SETBP1: variants seen among roughly 807,000 people sequenced by gnomAD.
The protein encoded by SETBP1 is SET-binding protein.
SETBP1 carries 9 observed loss-of-function variants against 101.0 expected under a neutral mutation model. The ratio of observed to expected loss-of-function variants is 0.09; its 90% CI spans 0.05 to 0.16. The LOEUF (loss-of-function observed/expected upper bound fraction) is 0.16, where lower values mean the gene tolerates loss of function less well. SETBP1 is among the 10% of genes least tolerant of loss of function. SETBP1 has a pLI of 1.00. For synonymous variants in SETBP1, 818 were observed against 788.5 expected, an observed-to-expected ratio of 1.04 and a Z score of -0.63; for missense variants, 1,858 against 2,033.8, an observed-to-expected ratio of 0.91 and a Z score of 1.66.
chr18:44,683,688 T>C (rs1345536254), intron 1 of SETBP1, among the ~76,000 whole-genome samples: 5 of 152,210 alleles, frequency 3.3e-5, no homozygotes, highest in African/African-American at 4.8e-5. Context: ...TGGGTTCCTG[T>C]GGAGACACTG....
At chr18:44,807,993 A>C (rs2071783795) in intron 2 of SETBP1, among the ~76,000 whole-genome samples, 1 of 152,188 alleles carries the variant, frequency 6.6e-6, no homozygotes, top group African/African-American at 2.4e-5. Context: ...TAGGCAGTGG[A>C]ATCTTCATAT....
At chr18:45,042,329 T>C (rs1034168514) in intron 5 of SETBP1, among the ~76,000 whole-genome samples, 55 of 152,110 alleles carry the variant, frequency 3.6e-4, no homozygotes, top group African/African-American at 1.1e-3. Flanking sequence ...TTTGTATTTT[T>C]AGTAGAGGCG....
chr18:45,060,322 C>A (rs1177666964), intron 5 of SETBP1, among the ~76,000 whole-genome samples: 1 of 152,142 alleles, frequency 6.6e-6, no homozygotes, highest in African/African-American at 2.4e-5. Flanking sequence ...CCCAATCACT[C>A]TCCAAAATGA....
intron 4 of SETBP1, among the ~76,000 whole-genome samples, chr18:44,972,722 A>C (rs1334058779): frequency 6.6e-6 from 1 of 152,132 alleles, no homozygotes; most frequent in Non-Finnish European, 1.5e-5. Flanking sequence ...TTTCACATCG[A>C]TTTTGTATCC....
chr18:44,786,056 A>G (rs1278743316), intron 2 of SETBP1, among the ~76,000 whole-genome samples: 1 of 152,012 alleles, frequency 6.6e-6, no homozygotes, highest in Non-Finnish European at 1.5e-5. Context: ...CATTTCTATC[A>G]ATCTCAGTAT....
intron 5 of SETBP1, among the ~76,000 whole-genome samples, chr18:45,047,608 G>A (rs2073638449): frequency 6.6e-6 from 1 of 152,162 alleles, no homozygotes; most frequent in Non-Finnish European, 1.5e-5. Flanking sequence ...CAATAAAGTT[G>A]GCATAGTGAG....
intron 3 of SETBP1, among the ~76,000 whole-genome samples, chr18:44,890,643 T>C (rs568281752): frequency 6.6e-6 from 1 of 152,170 alleles, no homozygotes; most frequent in South Asian, 2.1e-4. Flanking sequence ...AGAAGGAAAA[T>C]AAGAAGGTGA....
intron 3 of SETBP1, among the ~76,000 whole-genome samples, chr18:44,921,622 A>C (rs1394653065): frequency 6.6e-6 from 1 of 152,222 alleles, no homozygotes; most frequent in African/African-American, 2.4e-5. Flanking sequence ...CATCATAGTC[A>C]GTGCAGATGT....
intron 2 of SETBP1, among the ~76,000 whole-genome samples, chr18:44,757,700 G>A (rs2070531731): frequency 1.3e-5 from 2 of 151,946 alleles, no homozygotes; most frequent in Admixed American, 1.3e-4. Flanking sequence ...TAATGAAATT[G>A]GAGATTTAGA....
chr18:44,959,490 T>C (rs902456807), intron 4 of SETBP1, among the ~76,000 whole-genome samples: 11 of 152,230 alleles, frequency 7.2e-5, no homozygotes, highest in African/African-American at 2.7e-4. Context: ...TGTATAAGGC[T>C]TGTTGCAATC....
chr18:44,754,982 A>G (rs966124506), intron 2 of SETBP1, among the ~76,000 whole-genome samples: 2 of 152,202 alleles, frequency 1.3e-5, no homozygotes, highest in Non-Finnish European at 2.9e-5. Flanking sequence ...CTGTCCTGGC[A>G]TTTTGACCAA....
At position 44,950,695 on chromosome 18, in the gene SETBP1, T is replaced by A. The variant is rs766842400; in HGVS notation, c.1355T>A (p.Leu452His). 3 of 1,614,142 alleles carry A rather than the reference T, an allele frequency of 1.9e-6. No individual in the cohort carries two copies. The South Asian group carries it at 3.3e-5, about 18-fold the overall frequency. ...AGCAGTGAAGTAGTTAACAGGATAC[T>A]TTCCAACTCTGAGGGGAATAAGAAG... ...TMSSEVVNRI[L>H]SNSEGNKKDP... The change falls in exon 4 of 6, where the codon CTT becomes CAT. Residue 452 changes from leucine to histidine, a missense_variant. Around this residue, in one of 12 missense-constraint regions of SETBP1, gnomAD observed 581 missense variants for 535.1 expected, o/e 1.09. Coordinates refer to ENST00000649279, the MANE Select transcript of SETBP1 (RefSeq NM_015559.3).
At chr18:44,925,338 G>C (rs894645073) in intron 3 of SETBP1, among the ~76,000 whole-genome samples, 2 of 152,124 alleles carry the variant, frequency 1.3e-5, no homozygotes, top group Non-Finnish European at 2.9e-5. Context: ...ACAGGCTGTA[G>C]CCTGCACCAG....
In SETBP1 at chr18:45,037,887, C is replaced by T. The variant is rs1237782914; in HGVS notation, c.4001-598C>T. 3.3e-5 allele frequency among the ~76,000 whole-genome samples: 5 copies of T among 152,176 alleles called. No individual in the cohort carries two copies. The South Asian group carries it at 1.0e-3, about 32-fold the overall frequency. ...CCTCATCTGGATCATGTTTACTCCC[C>T]ACCCATGCCTTAGCCTATGCCCTTA... On this transcript the variant is annotated intron_variant, in intron 4 of 5. Transcript: ENST00000649279.
At chr18:44,695,846 G>C (rs1043533956) in intron 1 of SETBP1, among the ~76,000 whole-genome samples, 3 of 151,816 alleles carry the variant, frequency 2.0e-5, no homozygotes, top group African/African-American at 7.3e-5. Flanking sequence ...AGTGAAGTAG[G>C]CTGGGAAACC....
rs746612379 is a variant in SETBP1 at position 44,952,652 on chromosome 18, C to T, written c.3312C>T (p.Ser1104=). Residue 1104 remains serine, a synonymous_variant, in exon 4 of 6, where the codon TCC becomes TCT. Coordinates refer to ENST00000649279, the MANE Select transcript of SETBP1 (RefSeq NM_015559.3). ...QFHTNSHVKM[S]GAAKHKAKHG... ...ACACAAACTCCCACGTAAAGATGTCCGGTGCAGCTAAGCATAAAGCCAAGC... is the reference window on the plus strand; with the variant it reads ...ACACAAACTCCCACGTAAAGATGTCTGGTGCAGCTAAGCATAAAGCCAAGC... 2.8e-5 allele frequency: 45 copies of T among 1,613,918 alleles called. No homozygotes were observed. The highest frequency in any genetic ancestry group is 8.3e-5 in the Admixed American group (5 of 59,982).
intron 4 of SETBP1, among the ~76,000 whole-genome samples, chr18:44,983,788 G>A (rs1017730399): frequency 3.9e-5 from 6 of 152,158 alleles, no homozygotes; most frequent in Non-Finnish European, 8.8e-5. Context: ...AGAACCCAGA[G>A]ACTAAATATC....
chr18:44,925,038 C>T (rs1265923658), intron 3 of SETBP1, among the ~76,000 whole-genome samples: 2 of 100,484 alleles, frequency 2.0e-5, no homozygotes, highest in South Asian at 3.3e-4. Context: ...TTTTTTTTCA[C>T]GAGAATGAGC....
intron 2 of SETBP1, among the ~76,000 whole-genome samples, chr18:44,708,292 G>A (rs1388592842): frequency 6.6e-6 from 1 of 152,132 alleles, no homozygotes; most frequent in African/African-American, 2.4e-5. Flanking sequence ...CTCTTCTTCT[G>A]GGGGTGGGAA....
Sources: allele counts gnomAD v4.1 joint callset (sites outside exome capture counted in the v4.1 genomes callset), GRCh38; gene constraint gnomAD v4.1.1; regional missense constraint gnomAD v4.1.1; transcripts MANE v1.5; gene names NCBI Gene and HGNC (gene_info 2026-07-23, HGNC 2026-07-21).